Variants in ZNF713 observed in about 807,000 individuals in gnomAD.
The protein encoded by ZNF713 is zinc finger protein 713.
A neutral mutation model predicts 28.7 loss-of-function variants in ZNF713; 21 were observed. That is an observed-to-expected ratio of 0.73 (90% CI 0.52 to 1.05). The LOEUF (loss-of-function observed/expected upper bound fraction) is 1.05, where lower values mean the gene tolerates loss of function less well. Ranked by LOEUF, ZNF713 falls within the 50% of genes least tolerant of loss-of-function variation. The probability of loss-of-function intolerance (pLI) is 0.00; values close to 1 mark genes in which losing one functional copy is unlikely to be tolerated. For missense variants in ZNF713, 458 were observed against 532.4 expected (o/e 0.86, Z 1.37); for synonymous variants, 167 against 178.0 (o/e 0.94, Z 0.49).
chr7:55,930,047 A>T (rs1203751487), intron 6 of ZNF713, among the ~76,000 whole-genome samples: 1 of 152,168 alleles, frequency 6.6e-6, no homozygotes, highest in Non-Finnish European at 1.5e-5. Flanking sequence ...CAACAGCCCA[A>T]TAAAAATAAT....
chr7:55,926,196 G>A (rs931661474), intron 6 of ZNF713, among the ~76,000 whole-genome samples: 3 of 152,138 alleles, frequency 2.0e-5, no homozygotes, highest in Admixed American at 2.0e-4. Flanking sequence ...TGGAATCCCA[G>A]CTACTCGGGA....
intron 1 of ZNF713, among the ~76,000 whole-genome samples, chr7:55,895,889 G>A (rs553552788): frequency 1.3e-5 from 2 of 152,164 alleles, no homozygotes; most frequent in African/African-American, 2.4e-5. Context: ...GCCTGGAAAG[G>A]TTGAGTCATT....
At chr7:55,913,431 G>A (rs1479103000) in intron 4 of ZNF713, among the ~76,000 whole-genome samples, 3 of 151,764 alleles carry the variant, frequency 2.0e-5, no homozygotes, top group African/African-American at 4.8e-5. Flanking sequence ...TCGATCTTCT[G>A]TCCTCGTGAT....
In ZNF713 at chr7:55,887,906, A is replaced by T. The variant is rs866279208; in HGVS notation, c.-583+226A>T. Among the ~76,000 whole-genome samples, 88 of 132,486 alleles carry T rather than the reference A, an allele frequency of 6.6e-4. 3 individuals carry two copies. Among genetic ancestry groups the T allele is most frequent in the Middle Eastern group, 7.7e-3 (2 of 260 alleles). 86.9% of individuals were successfully genotyped at this position (132,486 alleles called of 152,430 possible). ...GGCGGCGGGCGGCGGCGGCGGCGGG[A>T]GGCGGCAGGTGGCGGGAGGGGCGGC... On this transcript the variant is annotated intron_variant, in intron 1 of 6. Transcript: ENST00000429591.
At chr7:55,901,479 T>C (rs1266515464) in intron 1 of ZNF713, among the ~76,000 whole-genome samples, 1 of 152,202 alleles carries the variant, frequency 6.6e-6, no homozygotes, top group African/African-American at 2.4e-5. Flanking sequence ...ATGCATCACA[T>C]TGTACTCTAT....
intron 6 of ZNF713, among the ~76,000 whole-genome samples, chr7:55,928,853 C>T (rs371393509): frequency 9.2e-5 from 14 of 151,836 alleles, no homozygotes; most frequent in South Asian, 2.1e-4. Flanking sequence ...GCCTGCAGGC[C>T]GGGTGCCAGG....
rs1213318331 is a variant in ZNF713, at chr7:55,939,523, G to A, written c.849G>A (p.Glu283=). The A allele has an allele frequency of 1.2e-6, 2 of 1,613,896 alleles. No homozygotes were observed. Among genetic ancestry groups the A allele is most frequent in the African/African-American group, 1.3e-5 (1 of 74,918 alleles). ...AGCCTCAGATGTTGCTTACAGGAGA[G>A]AAGCCCTATAAGTGTGATGAATGTG... The part of the protein sequence containing the change: ...LSQPQMLLTG[E]KPYKCDECGK... Residue 283 remains glutamate (E), a synonymous_variant, in exon 7 of 7, where the codon GAG becomes GAA. Transcript: ENST00000429591.
Position 55,940,518 on chromosome 7 carries a change from T to G in ZNF713, c.*512T>G. ...GGGGTTATAAAAAGAAAAAATAATT[T>G]ATTTTACAAATGAGATTATATTTGG... On this transcript the variant is annotated 3_prime_UTR_variant, in exon 7 of 7. Coordinates refer to ENST00000429591, the MANE Select transcript of ZNF713 (RefSeq NM_182633.3). 1.0e-6 allele frequency: 1 copy of G among 981,370 alleles called. No homozygotes were observed. Among genetic ancestry groups the G allele is most frequent in the Non-Finnish European group, 1.2e-6 (1 of 826,274 alleles). The allele number at this position is 981,370 out of a possible 1,614,324, so 60.8% of individuals were successfully genotyped here.
intron 2 of ZNF713, among the ~76,000 whole-genome samples, chr7:55,909,919 AT>A (rs1441974954): frequency 7.3e-6 from 1 of 137,924 alleles, no homozygotes; most frequent in Admixed American, 7.4e-5. Flanking sequence ...TTTTTTTCTT[AT>A]TTTTGAATAT....
chr7:55,926,493 C>A (rs983726363), intron 6 of ZNF713, among the ~76,000 whole-genome samples: 3 of 152,126 alleles, frequency 2.0e-5, no homozygotes, highest in African/African-American at 4.8e-5. Flanking sequence ...GAGACAGAAT[C>A]AGGGGTTCCC....
intron 1 of ZNF713, among the ~76,000 whole-genome samples, chr7:55,901,057 A>C (rs571866648): frequency 1.2e-4 from 19 of 152,252 alleles, no homozygotes; most frequent in Non-Finnish European, 2.6e-4. Context: ...GTGAGGTGAC[A>C]GATATGATAA....
At chr7:55,899,524 T>A (rs532338572) in intron 1 of ZNF713, among the ~76,000 whole-genome samples, 1 of 148,816 alleles carries the variant, frequency 6.7e-6, no homozygotes, top group African/African-American at 2.5e-5. Context: ...TACAAAAAAA[T>A]TTGCCGGGTG....
chr7:55,940,581 A>C lies in ZNF713; in HGVS notation c.*575A>C. 5 of 978,644 alleles carry C rather than the reference A, an allele frequency of 5.1e-6. No individual in the cohort carries two copies. Among genetic ancestry groups the C allele is most frequent in the Non-Finnish European group, 6.1e-6 (5 of 823,958 alleles). The allele number at this position is 978,644 out of a possible 1,614,324, so 60.6% of individuals were successfully genotyped here. A position where few individuals can be genotyped will look rare whatever the true frequency, so the allele number is the denominator to read the frequency against. ...AATCTGATATAAAACTTTTTAAAAA[A>C]TCAGAAGTCCTTATCCAGGCATGGT... On this transcript the variant is annotated 3_prime_UTR_variant, in exon 7 of 7. Coordinates refer to ENST00000429591, the MANE Select transcript of ZNF713 (RefSeq NM_182633.3).
At chr7:55,932,353 A>C (rs996418230) in intron 6 of ZNF713, among the ~76,000 whole-genome samples, 3 of 146,878 alleles carry the variant, frequency 2.0e-5, no homozygotes, top group African/African-American at 5.0e-5. Context: ...ATGTAGGGAG[A>C]CTTCGTCTCT....
intron 6 of ZNF713, among the ~76,000 whole-genome samples, chr7:55,936,913 A>G (rs1786360137): frequency 6.6e-6 from 1 of 152,146 alleles, no homozygotes; most frequent in Non-Finnish European, 1.5e-5. Flanking sequence ...ACCATCTGCT[A>G]AGCTGAGTGA....
chr7:55,929,974 C>T (rs777855848), intron 6 of ZNF713, among the ~76,000 whole-genome samples: 3 of 151,972 alleles, frequency 2.0e-5, no homozygotes, highest in Non-Finnish European at 2.9e-5. Context: ...AAAATATTTT[C>T]AACTTAGGTC....
Position 55,941,694 on chromosome 7 carries a change from A to G in ZNF713, c.*1688A>G, listed in dbSNP as rs948830357. 8.5e-5 allele frequency: 13 copies of G among 152,140 alleles called. No individual in the cohort carries two copies. The highest frequency in any genetic ancestry group is 2.2e-4 in the African/African-American group (9 of 41,426). The allele number at this position is 152,140 out of a possible 1,614,324, so 9.4% of individuals were successfully genotyped here. ...AAAATAAGTTATATGCTAGTTTTAT[A>G]TGCTAATTAAATTTATTCTACTCTT... On this transcript the variant is annotated 3_prime_UTR_variant, in exon 7 of 7. Transcript: ENST00000429591.
chr7:55,909,457 G>A (rs6971250), intron 2 of ZNF713, among the ~76,000 whole-genome samples: 67,213 of 151,946 alleles, frequency 0.44, 15,207 homozygotes, highest in East Asian at 0.58. Flanking sequence ...AGTATAATTT[G>A]AAGTCACATA....
chr7:55,939,454 C>A lies in ZNF713; in HGVS notation c.780C>A (p.Pro260=). ...LTDHIHTAEK[P]SECGKAFSHT... is the part of the protein sequence containing the mutation. ...ATCATATTCATACTGCAGAGAAACC[C>A]AGTGAGTGTGGGAAGGCCTTCAGCC... The change falls in exon 7 of 7, where the codon CCC becomes CCA. Residue 260 remains proline, a synonymous_variant. Coordinates refer to ENST00000429591, the MANE Select transcript of ZNF713 (RefSeq NM_182633.3). The A allele has an allele frequency of 6.2e-7, 1 of 1,614,064 alleles. No individual in the cohort carries two copies. Among genetic ancestry groups the A allele is most frequent in the South Asian group, 1.1e-5 (1 of 91,050 alleles).
Sources: allele counts gnomAD v4.1 joint callset (sites outside exome capture counted in the v4.1 genomes callset), GRCh38; gene constraint gnomAD v4.1.1; transcripts MANE v1.5; gene names NCBI Gene and HGNC (gene_info 2026-07-23, HGNC 2026-07-21).